The following LRP5 variants were observed in gnomAD, a reference collection of about 807,000 sequenced individuals.
LRP5 encodes the protein low-density lipoprotein receptor-related protein 5.
A neutral mutation model predicts 154.1 loss-of-function variants in LRP5; 62 were observed. That is an observed-to-expected ratio of 0.40 (90% CI 0.33 to 0.50). LRP5 has a LOEUF of 0.50. LRP5 is among the 20% of genes least tolerant of loss of function. LRP5 has a pLI of 0.55. For missense variants in LRP5, 1,915 were observed against 2,336.7 expected (o/e 0.82, Z 3.72); for synonymous variants, 966 against 1,011.5 (o/e 0.96, Z 0.85).
intron 16 of LRP5, among the ~76,000 whole-genome samples, chr11:68,428,507 T>G (rs2098670110): frequency 6.6e-6 from 1 of 152,084 alleles, no homozygotes; most frequent in East Asian, 1.9e-4. Context: ...GGTGCCAGCG[T>G]TCCACACTTG....
intron 5 of LRP5, among the ~76,000 whole-genome samples, chr11:68,383,148 G>A (rs984354747): frequency 2.0e-5 from 3 of 152,128 alleles, no homozygotes; most frequent in African/African-American, 7.2e-5. Context: ...AAAGTGCTGG[G>A]ATTACAAGCA....
intron 21 of LRP5, among the ~76,000 whole-genome samples, chr11:68,440,441 G>GTGAAA (rs1295197417): frequency 6.6e-6 from 1 of 152,250 alleles, no homozygotes; most frequent in Non-Finnish European, 1.5e-5. Flanking sequence ...CACGCCTTGA[G>GTGAAA]TGAAATGACT....
Position 68,406,564 on chromosome 11 carries a change from C to T in LRP5, c.1842C>T (p.His614=), listed in dbSNP as rs2098655792. 6.2e-7 allele frequency: 1 copy of T among 1,614,188 alleles called. No homozygotes were observed. Among genetic ancestry groups the T allele is most frequent in the South Asian group, 1.1e-5 (1 of 91,086 alleles). Residue 614 remains histidine, a synonymous_variant, in exon 9 of 23, where the codon CAC becomes CAT. Transcript: ENST00000294304. The stretch of plus-strand genomic sequence containing the variant: ...CGGACAGGAACGGGGGGTGCAGCCA[C>T]CTGTGCTTCTTCACACCCCACGCAA... ...PCADRNGGCS[H]LCFFTPHATR... is the part of the protein sequence containing the mutation.
At chr11:68,305,118 G>A in the LRP5 span, among the ~76,000 whole-genome samples, 1 of 152,038 alleles carries the variant, frequency 6.6e-6, no homozygotes, top group Non-Finnish European at 1.5e-5. Flanking sequence ...ATGTTGAACT[G>A]TAATTCCCAA....
chr11:68,430,796 G>A (rs2153176791), intron 17 of LRP5, among the ~76,000 whole-genome samples: 1 of 152,272 alleles, frequency 6.6e-6, no homozygotes, highest in South Asian at 2.1e-4. Flanking sequence ...TGGTGGGAGA[G>A]TGGGGTAGTG....
At chr11:68,421,830 G>A (rs2098665984) in intron 13 of LRP5, among the ~76,000 whole-genome samples, 1 of 151,058 alleles carries the variant, frequency 6.6e-6, no homozygotes, top group Non-Finnish European at 1.5e-5. Flanking sequence ...TGTGTGGTGT[G>A]TGGTGTGTGT....
intron 1 of LRP5, among the ~76,000 whole-genome samples, chr11:68,335,316 C>T (rs1185206112): frequency 1.3e-5 from 2 of 152,026 alleles, no homozygotes; most frequent in Non-Finnish European, 2.9e-5. Flanking sequence ...TCAAGTGAAC[C>T]TCCCACCTTG....
intron 13 of LRP5, among the ~76,000 whole-genome samples, chr11:68,421,630 C>T (rs938316151): frequency 6.6e-6 from 1 of 152,012 alleles, no homozygotes; most frequent in Non-Finnish European, 1.5e-5. Flanking sequence ...TACAAAGACA[C>T]ATGATCCTTC....
At chr11:68,384,462 C>T (rs1392217708) in intron 5 of LRP5, among the ~76,000 whole-genome samples, 1 of 152,148 alleles carries the variant, frequency 6.6e-6, no homozygotes, top group Non-Finnish European at 1.5e-5. Flanking sequence ...TGACCCTGAC[C>T]TTCTTGGCTC....
chr11:68,441,170 C>G (rs1382355633), intron 21 of LRP5, among the ~76,000 whole-genome samples: 1 of 152,236 alleles, frequency 6.6e-6, no homozygotes, highest in Middle Eastern at 3.4e-3. Context: ...CCTCTACCTT[C>G]TAGGCTCAAG....
In LRP5 at chr11:68,404,060, C is replaced by G. The variant is rs568716519; in HGVS notation, c.1801+361C>G. On this transcript the variant is annotated intron_variant, in intron 8 of 22. Transcript: ENST00000294304. ...GCAGGACGCAGAGCCGTGCAACTCA[C>G]AGGTGCCAAGCTCAGGACTCCCTCC... 3.4e-5 allele frequency: 15 copies of G among 441,996 alleles called. No homozygotes were observed. The Admixed American group carries it at 3.8e-4, about 11-fold the overall frequency. The allele number at this position is 441,996 out of a possible 1,614,324, so 27.4% of individuals were successfully genotyped here.
Position 68,361,079 on chromosome 11 carries a change from G to A in LRP5, c.687-2668G>A, listed in dbSNP as rs193014310. On this transcript the variant is annotated intron_variant, in intron 3 of 22. Coordinates refer to ENST00000294304, the MANE Select transcript of LRP5 (RefSeq NM_002335.4). Reference sequence around the variant, plus strand: ...CCAGCACTTTGGGAGGCTGAGACGGGCGGATCACGAGGTCAGGAGATTGAG... The same window carrying A: ...CCAGCACTTTGGGAGGCTGAGACGGACGGATCACGAGGTCAGGAGATTGAG... Among the ~76,000 whole-genome samples, 199 of 149,590 alleles carry A rather than the reference G, an allele frequency of 1.3e-3. 4 individuals are homozygous for A. The highest frequency in any genetic ancestry group is 0.012 in the Admixed American group (177 of 14,838).
intron 17 of LRP5, among the ~76,000 whole-genome samples, chr11:68,432,453 C>T (rs955002482): frequency 1.3e-5 from 2 of 152,206 alleles, no homozygotes; most frequent in African/African-American, 2.4e-5. Flanking sequence ...TTTTATTACC[C>T]TAGAACTCTC....
At chr11:68,405,302 C>T (rs926052310) in intron 8 of LRP5, among the ~76,000 whole-genome samples, 5 of 151,468 alleles carry the variant, frequency 3.3e-5, no homozygotes, top group African/African-American at 1.2e-4. Context: ...GAGACCTCAT[C>T]TCTACCAGAA....
chr11:68,423,629 A>T lies in LRP5; in HGVS notation c.3168A>T (p.Glu1056Asp), dbSNP rs757209267. 6.2e-6 allele frequency: 10 copies of T among 1,614,158 alleles called. No homozygotes were observed. The highest frequency in any genetic ancestry group is 8.5e-6 in the Non-Finnish European group (10 of 1,180,004). Residue 1056 changes from glutamate to aspartate, a missense_variant, in exon 14 of 23, where the codon GAA (glutamate) becomes GAT (aspartate). Around this residue, in one of 3 missense-constraint regions of LRP5, gnomAD observed 1,094 missense variants for 1,210.1 expected, o/e 0.90. Transcript: ENST00000294304. The surrounding 1 kb of genome is among the most constrained non-coding windows in gnomAD (Gnocchi z 4.7). ...NTINVHRLSG[E>D]AMGVVLRGDR... Reference sequence around the variant, plus strand: ...TCAACGTCCACAGGCTGAGCGGGGAAGCCATGGGGGTGGTGCTGCGTGGGG... The same window carrying T: ...TCAACGTCCACAGGCTGAGCGGGGATGCCATGGGGGTGGTGCTGCGTGGGG...
intron 21 of LRP5, among the ~76,000 whole-genome samples, chr11:68,444,959 G>A (rs2098680612): frequency 6.6e-6 from 1 of 152,066 alleles, no homozygotes; most frequent in African/African-American, 2.4e-5. Flanking sequence ...TCTCCAGAAA[G>A]AGCAGGGCCC....
At chr11:68,408,324 C>T (rs1591290868) in intron 9 of LRP5, among the ~76,000 whole-genome samples, 1 of 140,320 alleles carries the variant, frequency 7.1e-6, no homozygotes, top group East Asian at 2.2e-4. Context: ...TAGGCTCAAA[C>T]ACCCACCTCA....
At chr11:68,335,043 G>A (rs1197937437) in intron 1 of LRP5, among the ~76,000 whole-genome samples, 1 of 147,182 alleles carries the variant, frequency 6.8e-6, no homozygotes, top group Non-Finnish European at 1.5e-5. Context: ...AGGTCACAAC[G>A]TTTTTGCCAA....
intron 1 of LRP5, among the ~76,000 whole-genome samples, chr11:68,337,679 C>T (rs4988307): frequency 0.088 from 13,384 of 151,700 alleles, 802 homozygotes; most frequent in Middle Eastern, 0.21. Flanking sequence ...GTGTCTTCTT[C>T]CTCTAGGAAG....
Sources: gnomAD v4.1 joint callset for allele counts (sites outside exome capture counted in the v4.1 genomes callset) on GRCh38, gnomAD v4.1.1 for gene constraint, gnomAD v4.1.1 regional missense constraint, Gnocchi (gnomAD v3.1) non-coding constraint, MANE v1.5 for transcripts, NCBI Gene and HGNC (gene_info 2026-07-23, HGNC 2026-07-21) for gene names.